Variants in NOMO1 observed in about 807,000 individuals in gnomAD.
The protein encoded by NOMO1 is nodal modulator 3.
In NOMO1, 40 loss-of-function variants were observed where a neutral mutation model predicts 133.8. That is an observed-to-expected ratio of 0.30 (90% CI 0.23 to 0.39). The LOEUF (loss-of-function observed/expected upper bound fraction) is 0.39, where lower values mean the gene tolerates loss of function less well. Among genes scored for constraint, NOMO1 ranks in the 10% least tolerant of loss-of-function variants. NOMO1 has a pLI of 1.00. For missense variants in NOMO1, 462 were observed against 1,419.9 expected, an observed-to-expected ratio of 0.33 and a Z score of 10.84; for synonymous variants, 236 against 570.5, an observed-to-expected ratio of 0.41 and a Z score of 8.36.
intron 10 of NOMO1, 28 bp from the exon 11 acceptor site, chr16:14,857,477 C>G (rs777750033): frequency 6.2e-7 from 1 of 1,607,782 alleles, no homozygotes; most frequent in Non-Finnish European, 8.5e-7. Context: ...TTTGGCTTAT[C>G]TTCTGTTTGT....
chr16:14,864,630 C>T lies in NOMO1; in HGVS notation c.1441C>T (p.Pro481Ser), dbSNP rs1963965191. The T allele has an allele frequency of 6.2e-7, 1 of 1,613,292 alleles. No homozygotes were observed. The highest frequency in any genetic ancestry group is 8.5e-7 in the Non-Finnish European group (1 of 1,179,800). ...AETRAGLTLK[P>S]QTFPLTVTNR... The stretch of plus-strand genomic sequence containing the variant: ...AACCAGAGCAGGGCTGACGTTGAAA[C>T]CCCAGACATTTCCTCTTACTGTGAC... The change falls in exon 13 of 31, where the codon CCC (proline) becomes TCC (serine). Residue 481 changes from proline to serine, a missense_variant. Physicochemically the swap from Pro to Ser is moderately conservative, Grantham distance 74 (BLOSUM62 -1). Coordinates refer to ENST00000287667, the MANE Select transcript of NOMO1 (RefSeq NM_014287.4).
chr16:14,851,083 C>CAAAA, intron 6 of NOMO1, among the ~76,000 whole-genome samples: 1 of 97,280 alleles, frequency 1.0e-5, no homozygotes. Context: ...GACTCCATCT[C>CAAAA]AAAAAAAAAA....
Position 14,863,103 on chromosome 16 carries a change from C to T in NOMO1, c.1311C>T (p.Asp437=). 2.5e-6 allele frequency: 4 copies of T among 1,608,434 alleles called. No individual in the cohort carries two copies. In the South Asian group the frequency reaches 3.3e-5, roughly 13 times the overall value. ...ACAAAGTTGTCCTGTCATCTCAAGA[C>T]AAGGACAAGTCTTTGGTCACCGTGG... The part of the protein sequence containing the change: ...NKYKVVLSSQ[D]KDKSLVTVET... Residue 437 remains aspartate, a synonymous_variant, in exon 12 of 31, where the codon GAC becomes GAT. Coordinates refer to ENST00000287667, the MANE Select transcript of NOMO1 (RefSeq NM_014287.4).
chr16:14,853,718 C>G, intron 8 of NOMO1, 114 bp downstream of exon 8: 4 of 1,016,268 alleles, frequency 3.9e-6, no homozygotes, highest in Non-Finnish European at 6.1e-6. Context: ...TCTCTGAACA[C>G]GCTGTTAAGC....
rs561827949 is a variant in NOMO1 at position 14,837,165 on chromosome 16, G to A, written c.166-1242G>A. On this transcript the variant is annotated intron_variant, in intron 1 of 30. Coordinates refer to ENST00000287667, the MANE Select transcript of NOMO1 (RefSeq NM_014287.4). The stretch of plus-strand genomic sequence containing the variant: ...CCTGAGTAGCTGAGGCTACAGGCAC[G>A]TGCCATCATGCCTAGCTAATTTTTT... Among the ~76,000 whole-genome samples, 148 of 151,978 alleles carry A rather than the reference G, an allele frequency of 9.7e-4. 1 individual carries two copies. The highest frequency in any genetic ancestry group is 1.8e-3 in the Admixed American group (28 of 15,268).
chr16:14,856,703 C>T (rs1963842872), intron 9 of NOMO1, among the ~76,000 whole-genome samples: 1 of 151,874 alleles, frequency 6.6e-6, no homozygotes, highest in African/African-American at 2.4e-5. Context: ...TGAACCACTG[C>T]GCCTGGCCTA....
intron 23 of NOMO1, 116 bp downstream of exon 23, chr16:14,878,950 G>A (rs748975280): frequency 1.2e-5 from 16 of 1,371,194 alleles, no homozygotes; most frequent in Non-Finnish European, 1.7e-5. Context: ...ATGTGGAGTG[G>A]TTTCAGTTTC....
chr16:14,839,624 A>G (rs1300607255), intron 2 of NOMO1, among the ~76,000 whole-genome samples: 5 of 150,310 alleles, frequency 3.3e-5, no homozygotes, highest in Non-Finnish European at 7.4e-5. Context: ...AAATCAAACA[A>G]TAGGATTTAT....
chr16:14,875,104 A>C lies in NOMO1; in HGVS notation c.2123A>C (p.Glu708Ala). 1 of 1,613,752 alleles carries C rather than the reference A, an allele frequency of 6.2e-7. No individual in the cohort carries two copies. The highest frequency in any genetic ancestry group is 8.5e-7 in the Non-Finnish European group (1 of 1,179,826). Reference protein sequence around the residue: ...PLKSVQELRREQQLAEIEARR... With the variant: ...PLKSVQELRRAQQLAEIEARR... The stretch of plus-strand genomic sequence containing the variant: ...AAGTCTGTGCAGGAGCTGCGGAGGG[A>C]GCAGCAGCTGGCTGAGATCGAGGCC... The change falls in exon 19 of 31, where the codon GAG (glutamate) becomes GCG (alanine). Residue 708 changes from glutamate to alanine, a missense_variant. Physicochemically the swap from Glu to Ala is moderately radical, Grantham distance 107. Transcript: ENST00000287667.
At chr16:14,870,347 A>G (rs879195279) in intron 16 of NOMO1, among the ~76,000 whole-genome samples, 12 of 151,310 alleles carry the variant, frequency 7.9e-5, no homozygotes, top group Non-Finnish European at 1.6e-4. Flanking sequence ...TTTAAAGGAG[A>G]AAGTCAAGGA....
At chr16:14,840,571 A>AGC (rs1347086811) in intron 2 of NOMO1, among the ~76,000 whole-genome samples, 1 of 147,010 alleles carries the variant, frequency 6.8e-6, no homozygotes, top group East Asian at 2.0e-4. Context: ...TGGGCAACAG[A>AGC]GCGAGGCTCC....
chr16:14,835,999 C>T (rs1484908015), intron 1 of NOMO1, among the ~76,000 whole-genome samples: 1 of 151,578 alleles, frequency 6.6e-6, no homozygotes, highest in East Asian at 1.9e-4. Context: ...AGGGACCTTA[C>T]TGTTAAAAAA....
At chr16:14,871,557 G>A (rs540342958) in intron 16 of NOMO1, 64 bp from the exon 17 acceptor site, 1 of 1,608,880 alleles carries the variant, frequency 6.2e-7, no homozygotes, top group South Asian at 1.1e-5. Context: ...GATTTCAGAT[G>A]TCGGAATTGC....
chr16:14,834,828 A>G (rs1391029208), intron 1 of NOMO1, among the ~76,000 whole-genome samples: 2 of 125,486 alleles, frequency 1.6e-5, no homozygotes, highest in African/African-American at 6.1e-5. Flanking sequence ...GTCCCGGTAG[A>G]TGGGAGGGGA....
intron 23 of NOMO1, 30 bp downstream of exon 23, chr16:14,878,864 T>C (rs1172850862): frequency 7.5e-6 from 12 of 1,603,920 alleles, no homozygotes; most frequent in Admixed American, 3.3e-5. Flanking sequence ...ACCACCTGCC[T>C]GTCTTCCCTG....
chr16:14,884,414 C>T lies in NOMO1; in HGVS notation c.3154C>T (p.Arg1052Trp), dbSNP rs761500267. ...DIDDVNIIVF[R>W]QINQFDLSGN... ...CGATGATGTAAACATCATAGTTTTCCGGCAGATTAATCAATTTGATTTAAG... is the reference window on the plus strand; with the variant it reads ...CGATGATGTAAACATCATAGTTTTCTGGCAGATTAATCAATTTGATTTAAG... Residue 1052 changes from arginine (R) to tryptophan (W), a missense_variant, in exon 27 of 31, where the codon CGG (arginine) becomes TGG (tryptophan). Physicochemically the swap from Arg to Trp is moderately radical, Grantham distance 101. Transcript: ENST00000287667. 34 of 1,610,734 alleles carry T rather than the reference C, an allele frequency of 2.1e-5. 1 individual carries two copies. The highest frequency in any genetic ancestry group is 6.7e-5 in the East Asian group (3 of 44,822).
chr16:14,838,299 A>G, intron 1 of NOMO1, 108 bp from the exon 2 acceptor site: 1 of 1,138,518 alleles, frequency 8.8e-7, no homozygotes, highest in Non-Finnish European at 1.3e-6. Flanking sequence ...GCTGGCATAT[A>G]ATAGGTCCTC....
intron 26 of NOMO1, 106 bp downstream of exon 26, chr16:14,882,783 T>A: frequency 5.1e-6 from 8 of 1,576,816 alleles, no homozygotes; most frequent in Non-Finnish European, 6.1e-6. Context: ...CGGGGGGAAC[T>A]TTCATCCTAA....
intron 1 of NOMO1, among the ~76,000 whole-genome samples, chr16:14,834,849 GC>G (rs1490837816): frequency 1.6e-5 from 2 of 121,522 alleles, no homozygotes; most frequent in African/African-American, 6.3e-5. Context: ...CCAGAGCAAG[GC>G]CTGGGCCTCA....
Sources: allele counts gnomAD v4.1 joint callset (sites outside exome capture counted in the v4.1 genomes callset), GRCh38; gene constraint gnomAD v4.1.1; transcripts MANE v1.5; gene names NCBI Gene and HGNC (gene_info 2026-07-23, HGNC 2026-07-21).